The following MAST4 variants were observed in gnomAD, a reference collection of about 807,000 sequenced individuals.
The protein encoded by MAST4 is microtubule-associated serine/threonine-protein kinase 4.
Under a neutral mutation model 162.7 loss-of-function variants are expected in MAST4, and 89 were observed. That is an observed-to-expected ratio of 0.55 (90% confidence interval 0.46 to 0.65). The LOEUF is 0.65. Among genes scored for constraint, MAST4 ranks in the 30% least tolerant of loss-of-function variants. The pLI, the probability that MAST4 is intolerant of heterozygous loss-of-function variation, is 0.00. For synonymous variants in MAST4, 1,479 were observed against 1,361.1 expected, an observed-to-expected ratio of 1.09 and a Z score of -1.91; for missense variants, 3,153 against 3,374.0, an observed-to-expected ratio of 0.93 and a Z score of 1.62.
intron 1 of MAST4, among the ~76,000 whole-genome samples, chr5:66,664,448 AAAAAG>A (rs1561247240): frequency 6.7e-6 from 1 of 149,320 alleles, no homozygotes; most frequent in African/African-American, 2.5e-5. Flanking sequence ...AAAAAAAAAA[AAAAAG>A]AAAATAGAAA....
chr5:66,868,627 A>G (rs1760710047), intron 3 of MAST4, among the ~76,000 whole-genome samples: 1 of 151,980 alleles, frequency 6.6e-6, no homozygotes, highest in Non-Finnish European at 1.5e-5. Context: ...TCCATATGCA[A>G]TTTATTAAAT....
At chr5:66,684,380 T>A (rs1748511881) in intron 1 of MAST4, among the ~76,000 whole-genome samples, 1 of 152,222 alleles carries the variant, frequency 6.6e-6, no homozygotes, top group South Asian at 2.1e-4. Context: ...TTTTCTTTTT[T>A]ATGTTCTATT....
chr5:66,727,897 C>A (rs1751619299), intron 1 of MAST4, among the ~76,000 whole-genome samples: 1 of 152,026 alleles, frequency 6.6e-6, no homozygotes, highest in African/African-American at 2.4e-5. Flanking sequence ...TCACTTGGAT[C>A]ACTCTTTATA....
intron 1 of MAST4, among the ~76,000 whole-genome samples, chr5:66,618,036 G>C (rs529534989): frequency 3.8e-4 from 58 of 152,126 alleles, no homozygotes; most frequent in African/African-American, 1.1e-3. Context: ...GGAGGAATGG[G>C]GGGGGGGCCC....
intron 4 of MAST4, among the ~76,000 whole-genome samples, chr5:66,949,368 C>T (rs1744402628): frequency 6.6e-6 from 1 of 152,176 alleles, no homozygotes; most frequent in Admixed American, 6.6e-5. Flanking sequence ...TGGTTTACCT[C>T]ATGCTGTTCT....
At chr5:66,625,124 C>T (rs1415182877) in intron 1 of MAST4, among the ~76,000 whole-genome samples, 1 of 152,150 alleles carries the variant, frequency 6.6e-6, no homozygotes, top group Admixed American at 6.5e-5. Context: ...CTGGTGGTCT[C>T]CCTCAGCTCA....
At position 67,165,535 on chromosome 5, in the gene MAST4, C is replaced by T. The variant is rs55882716; in HGVS notation, c.6356C>T (p.Pro2119Leu). 0.031 allele frequency: 50,725 copies of T among 1,613,988 alleles called. 918 individuals carry two copies. The highest frequency in any genetic ancestry group is 0.037 in the Non-Finnish European group (43,542 of 1,179,876). Residue 2119 changes from proline (P) to leucine (L), a missense_variant, in exon 29 of 29, where the codon CCT (proline) becomes CTT (leucine). Physicochemically the swap from Pro to Leu is moderately conservative, Grantham distance 98. Around this residue, in one of 7 missense-constraint regions of MAST4, gnomAD observed 1,644 missense variants for 1,495.0 expected, o/e 1.10. Transcript: ENST00000403625. Reference sequence around the variant, plus strand: ...TTGCAGAAAGATGGTGCCAAGGAACCTGAAAGGAAGGAGCAGCCTCTACAA... The same window carrying T: ...TTGCAGAAAGATGGTGCCAAGGAACTTGAAAGGAAGGAGCAGCCTCTACAA... Reference protein sequence around the residue: ...PSLQKDGAKEPERKEQPLQRH... With the variant: ...PSLQKDGAKELERKEQPLQRH...
chr5:66,737,924 A>G (rs553140245), intron 1 of MAST4: 2 of 152,208 alleles, frequency 1.3e-5, no homozygotes, highest in African/African-American at 2.4e-5. Context: ...CTTCAAGAAC[A>G]TAGTTTTTGA....
intron 3 of MAST4, among the ~76,000 whole-genome samples, chr5:66,877,303 A>C (rs1351746957): frequency 2.0e-5 from 3 of 152,240 alleles, no homozygotes; most frequent in Non-Finnish European, 2.9e-5. Flanking sequence ...ATACTGACAC[A>C]GTATTCCCAT....
intron 5 of MAST4, among the ~76,000 whole-genome samples, chr5:67,081,379 T>A (rs961837557): frequency 6.6e-6 from 1 of 152,006 alleles, no homozygotes; most frequent in Admixed American, 6.6e-5. Flanking sequence ...CAGGTCTTAA[T>A]GCTGTTTTGA....
intron 1 of MAST4, among the ~76,000 whole-genome samples, chr5:66,719,017 A>G (rs1248333912): frequency 1.3e-5 from 2 of 152,312 alleles, no homozygotes; most frequent in South Asian, 2.1e-4. Context: ...GCAACATCCA[A>G]TTTCCGAAAG....
rs1038756974 is a variant in MAST4, at chr5:67,095,577, T to G, written c.834-20T>G. 3 of 1,596,172 alleles carry G rather than the reference T, an allele frequency of 1.9e-6. No homozygotes were observed. Among genetic ancestry groups the G allele is most frequent in the Non-Finnish European group, 2.6e-6 (3 of 1,170,778 alleles). ...ACAGTACGCCAGTGTTGGCCTAAGC[T>G]AAACTCACTTTCTCAATAGGACTGA... On this transcript the variant is annotated intron_variant, in intron 6 of 28. Transcript: ENST00000403625.
At chr5:67,000,517 G>A (rs1354395573) in intron 4 of MAST4, among the ~76,000 whole-genome samples, 2 of 152,130 alleles carry the variant, frequency 1.3e-5, no homozygotes, top group Non-Finnish European at 2.9e-5. Flanking sequence ...AGGCTGAGGC[G>A]GGTGGATTAC....
intron 4 of MAST4, among the ~76,000 whole-genome samples, chr5:67,049,045 G>GTATA (rs1376142250): frequency 0.15 from 15,293 of 98,840 alleles, 1,594 homozygotes; most frequent in Non-Finnish European, 0.18. Flanking sequence ...ATATATACGT[G>GTATA]TATATATATA....
intron 4 of MAST4, among the ~76,000 whole-genome samples, chr5:66,955,985 TTTG>T (rs1256166206): frequency 7.9e-5 from 10 of 126,500 alleles, no homozygotes; most frequent in African/African-American, 1.3e-4. Context: ...TTTTTTTTTG[TTTG>T]TTTGTTTGTT....
At chr5:66,828,322 C>G (rs1045611354) in intron 3 of MAST4, among the ~76,000 whole-genome samples, 2 of 152,074 alleles carry the variant, frequency 1.3e-5, no homozygotes, top group Admixed American at 1.3e-4. Flanking sequence ...TTCTTTGATG[C>G]CTTTGGAAGA....
chr5:66,807,518 T>A (rs896352755), intron 3 of MAST4, among the ~76,000 whole-genome samples: 67 of 141,516 alleles, frequency 4.7e-4, no homozygotes, highest in African/African-American at 1.4e-3. Context: ...AAAAAAAAAA[T>A]GTACAATTAA....
chr5:66,919,904 CCT>C (rs1354490147), intron 4 of MAST4, among the ~76,000 whole-genome samples: 2 of 1,680 alleles, frequency 1.2e-3, no homozygotes, highest in African/African-American at 2.4e-3. Context: ...CTCTCTCCTT[CCT>C]TCCTTCCTTC....
At position 66,895,490 on chromosome 5, in the gene MAST4, A is replaced by C. The variant is rs1363848769; in HGVS notation, c.643-4461A>C. On this transcript the variant is annotated intron_variant, in intron 3 of 28. Coordinates refer to ENST00000403625, the MANE Select transcript of MAST4 (RefSeq NM_001164664.2). ...TTCTACTTGGAATTCTTACAGACAG[A>C]CATCTTGAATGTAGCATGTCAAAAG... Among the ~76,000 whole-genome samples, 4 of 152,116 alleles carry C rather than the reference A, an allele frequency of 2.6e-5. No homozygotes were observed. In the South Asian group the frequency reaches 8.3e-4, roughly 32 times the overall value.
Sources: allele counts gnomAD v4.1 joint callset (sites outside exome capture counted in the v4.1 genomes callset), GRCh38; gene constraint gnomAD v4.1.1; regional missense constraint gnomAD v4.1.1; transcripts MANE v1.5; gene names NCBI Gene and HGNC (gene_info 2026-07-23, HGNC 2026-07-21).